Variants in ZC3H7A observed in about 807,000 individuals in gnomAD.
ZC3H7A encodes zinc finger CCCH-type containing 7A, also known as zinc finger CCCH domain-containing protein 7A.
In ZC3H7A, 44 loss-of-function variants were observed where a neutral mutation model predicts 125.5. That is an observed-to-expected ratio of 0.35 (90% CI 0.28 to 0.45). The LOEUF is 0.45. ZC3H7A is among the 20% of genes least tolerant of loss of function. ZC3H7A has a pLI of 1.00. For synonymous variants in ZC3H7A, 399 were observed against 391.2 expected, an observed-to-expected ratio of 1.02 and a Z score of -0.23; for missense variants, 977 against 1,170.7, an observed-to-expected ratio of 0.83 and a Z score of 2.41.
Position 11,765,575 on chromosome 16 carries a change from C to T in ZC3H7A, c.1633G>A (p.Ala545Thr). Residue 545 changes from alanine (A) to threonine (T), a missense_variant, in exon 14 of 23, where the codon GCT becomes ACT. Around this residue, in one of 3 missense-constraint regions of ZC3H7A, gnomAD observed 436 missense variants for 603.2 expected, o/e 0.72. Transcript: ENST00000355758. The surrounding 1 kb of genome is among the most constrained non-coding windows in gnomAD (Gnocchi z 4.8). ...LERKGAFSRE[A>T]FFGGNGKINL... Reference sequence around the variant, plus strand: ...ATCTTTCCATTGCCGCCAAAGAAAGCCTCCCGGCTGAATGCTCCTTTCCGC... The same window carrying T: ...ATCTTTCCATTGCCGCCAAAGAAAGTCTCCCGGCTGAATGCTCCTTTCCGC... The T allele has an allele frequency of 6.2e-7, 1 of 1,614,168 alleles. No individual in the cohort carries two copies. Among genetic ancestry groups the T allele is most frequent in the Non-Finnish European group, 8.5e-7 (1 of 1,180,024 alleles).
chr16:11,774,902 GACAAT>G, intron 8 of ZC3H7A, 73 bp downstream of exon 8: 1 of 1,452,572 alleles, frequency 6.9e-7, no homozygotes, highest in Non-Finnish European at 9.6e-7. Context: ...GATATTATTT[GACAAT>G]ACATCACATA....
rs766803282 is a variant in ZC3H7A, at chr16:11,781,407, C to G, written c.108+18G>C. On this transcript the variant is annotated intron_variant, in intron 3 of 22. Coordinates refer to ENST00000355758, the MANE Select transcript of ZC3H7A (RefSeq NM_014153.4). ...GCCACTTGCAGAGCTTTCAAGCAGA[C>G]CTTCCCGGAGTCATTACCGCATATT... The G allele has an allele frequency of 6.3e-7, 1 of 1,595,592 alleles. No homozygotes were observed. Among genetic ancestry groups the G allele is most frequent in the East Asian group, 2.2e-5 (1 of 44,690 alleles).
At chr16:11,755,435 A>T (rs1057415708) in intron 21 of ZC3H7A, among the ~76,000 whole-genome samples, 2 of 152,088 alleles carry the variant, frequency 1.3e-5, no homozygotes, top group African/African-American at 4.8e-5. Flanking sequence ...CTTTTTTGAA[A>T]TTTTTAAAAG....
chr16:11,783,915 A>C (rs1220598273), intron 1 of ZC3H7A, among the ~76,000 whole-genome samples: 1 of 152,086 alleles, frequency 6.6e-6, no homozygotes, highest in East Asian at 1.9e-4. Context: ...TACTTTACTG[A>C]AGTGTTTACA....
rs553292249 is a variant in ZC3H7A at position 11,792,283 on chromosome 16, C to T, written c.-35+4841G>A. Among the ~76,000 whole-genome samples, 5 of 152,306 alleles carry T rather than the reference C, an allele frequency of 3.3e-5. No individual in the cohort carries two copies. In the South Asian group the frequency reaches 1.0e-3, roughly 32 times the overall value. On this transcript the variant is annotated intron_variant, in intron 1 of 22. Transcript: ENST00000355758. ...AGAATTTCATTAAATTAACTGAACT[C>T]TTACAAACTGGAATATCATCTCTCT... is the stretch of plus-strand genomic sequence containing the variant.
chr16:11,763,464 G>A lies in ZC3H7A; in HGVS notation c.2002+14C>T, dbSNP rs367964146. ...TCTTGAGGAGACATACTTCTCAGTC[G>A]CACTCAAACCTACCTGTTTCATTTT... On this transcript the variant is annotated intron_variant, in intron 16 of 22. Coordinates refer to ENST00000355758, the MANE Select transcript of ZC3H7A (RefSeq NM_014153.4). 9.5e-6 allele frequency: 15 copies of A among 1,583,550 alleles called. No individual in the cohort carries two copies. Among genetic ancestry groups the A allele is most frequent in the African/African-American group, 5.4e-5 (4 of 73,660 alleles).
intron 1 of ZC3H7A, among the ~76,000 whole-genome samples, chr16:11,789,191 C>T (rs2053310102): frequency 6.6e-6 from 1 of 152,130 alleles, no homozygotes; most frequent in Non-Finnish European, 1.5e-5. Context: ...CCATGTACTA[C>T]TTTTGAAACT....
At chr16:11,791,681 G>A (rs534906669) in intron 1 of ZC3H7A, among the ~76,000 whole-genome samples, 4 of 152,342 alleles carry the variant, frequency 2.6e-5, no homozygotes, top group African/African-American at 9.6e-5. Flanking sequence ...AAGAAGGAGG[G>A]TGCCCAGCAG....
rs889262529 is a variant in ZC3H7A, at chr16:11,782,139, G to GA, written c.68+147dup. 67 of 871,860 alleles carry GA rather than the reference G, an allele frequency of 7.7e-5. No homozygotes were observed. The African/African-American group carries it at 9.4e-4, about 12-fold the overall frequency. 54.0% of individuals were successfully genotyped at this position (871,860 alleles called of 1,614,324 possible). A position where few individuals can be genotyped will look rare whatever the true frequency, so the allele number is the denominator to read the frequency against. On this transcript the variant is annotated intron_variant, in intron 2 of 22. Transcript: ENST00000355758. ...TGCAAGAATGTTCAAATGGACAAAA[G>GA]AAAAAAATATTGCTAGAATATGGAG...
At chr16:11,770,073 C>T (rs1481157903) in intron 10 of ZC3H7A, among the ~76,000 whole-genome samples, 1 of 152,034 alleles carries the variant, frequency 6.6e-6, no homozygotes, top group Non-Finnish European at 1.5e-5. Flanking sequence ...AGGCATGAGC[C>T]ACCACACCCA....
Position 11,751,446 on chromosome 16 carries a change from T to G in ZC3H7A, c.2787A>C (p.Glu929Asp), listed in dbSNP as rs1017726992. 6.2e-7 allele frequency: 1 copy of G among 1,614,118 alleles called. No individual in the cohort carries two copies. Among genetic ancestry groups the G allele is most frequent in the Non-Finnish European group, 8.5e-7 (1 of 1,180,046 alleles). ...CTCTTCTTTCTTCCCATTCATGAAG[T>G]TCGGCATTTCCATGTGCAAATTTAC... Reference protein sequence around the residue: ...NSCKFAHGNAELHEWEERRDA... With the variant: ...NSCKFAHGNADLHEWEERRDA... Residue 929 changes from glutamate to aspartate, a missense_variant, in exon 23 of 23, where the codon GAA becomes GAC. Physicochemically the swap from Glu to Asp is conservative, Grantham distance 45. Transcript: ENST00000355758.
chr16:11,757,075 G>T (rs2052662379), intron 20 of ZC3H7A, among the ~76,000 whole-genome samples: 1 of 152,196 alleles, frequency 6.6e-6, no homozygotes, highest in Non-Finnish European at 1.5e-5. Context: ...TGCATTACAG[G>T]ATGGTGAGTA....
In ZC3H7A at chr16:11,765,403, A is replaced by T; in HGVS notation, c.1719+86T>A. On this transcript the variant is annotated intron_variant, in intron 14 of 22. Transcript: ENST00000355758. This position sits in a 1 kb window ranked among gnomAD's most constrained non-coding sequence, Gnocchi z 4.8. ...TAAATGAATATTTATTCATTTACCA[A>T]GTGAATGTTTTATCACATGGCAGGA... 1.1e-6 allele frequency: 1 copy of T among 902,830 alleles called. No homozygotes were observed. The allele number at this position is 902,830 out of a possible 1,614,324, so 55.9% of individuals were successfully genotyped here.
rs2141145932 is a variant in ZC3H7A, at chr16:11,750,675, A to G, written c.*642T>C. 1 of 152,792 alleles carries G rather than the reference A, an allele frequency of 6.5e-6. No homozygotes were observed. Among genetic ancestry groups the G allele is most frequent in the East Asian group, 1.9e-4 (1 of 5,186 alleles). The allele number at this position is 152,792 out of a possible 1,614,324, so 9.5% of individuals were successfully genotyped here. A position where few individuals can be genotyped will look rare whatever the true frequency, so the allele number is the denominator to read the frequency against. On this transcript the variant is annotated 3_prime_UTR_variant, in exon 23 of 23. Coordinates refer to ENST00000355758, the MANE Select transcript of ZC3H7A (RefSeq NM_014153.4). Reference sequence around the variant, plus strand: ...CAACAGTACAGGTTTAATCTTTCAAAATCATCATTTAAACAGCAAAAGACC... The same window carrying G: ...CAACAGTACAGGTTTAATCTTTCAAGATCATCATTTAAACAGCAAAAGACC...
chr16:11,762,850 C>G (rs1056047072), intron 16 of ZC3H7A, 103 bp from the exon 17 acceptor site: 8 of 1,005,132 alleles, frequency 8.0e-6, no homozygotes, highest in Non-Finnish European at 1.2e-5. Flanking sequence ...CCAATCTATT[C>G]TCATACCTCC....
At chr16:11,754,261 C>T (rs548677085) in intron 21 of ZC3H7A, among the ~76,000 whole-genome samples, 2 of 134,772 alleles carry the variant, frequency 1.5e-5, no homozygotes, top group African/African-American at 5.7e-5. Flanking sequence ...CTCTGTACTC[C>T]GGCCTGGATG....
chr16:11,760,132 A>G (rs1296303807), intron 19 of ZC3H7A, among the ~76,000 whole-genome samples: 8 of 148,914 alleles, frequency 5.4e-5, no homozygotes, highest in South Asian at 2.1e-4. Flanking sequence ...GAAAAAAAAA[A>G]AAAAAAAAAA....
chr16:11,767,923 G>T (rs551815256), intron 12 of ZC3H7A, among the ~76,000 whole-genome samples: 1 of 152,130 alleles, frequency 6.6e-6, no homozygotes, highest in African/African-American at 2.4e-5. Context: ...CAAGCTAACA[G>T]AAAGTATTTA....
intron 9 of ZC3H7A, among the ~76,000 whole-genome samples, chr16:11,772,000 C>T (rs1389086461): frequency 6.6e-6 from 1 of 151,748 alleles, no homozygotes; most frequent in Non-Finnish European, 1.5e-5. Flanking sequence ...CAAGACCAAC[C>T]TGGCCAAGAT....
Sources: allele counts gnomAD v4.1 joint callset (sites outside exome capture counted in the v4.1 genomes callset), GRCh38; gene constraint gnomAD v4.1.1; regional missense constraint gnomAD v4.1.1; non-coding constraint Gnocchi (gnomAD v3.1); transcripts MANE v1.5; gene names NCBI Gene and HGNC (gene_info 2026-07-23, HGNC 2026-07-21).